The following NBAS variants were observed in gnomAD, a reference collection of about 807,000 sequenced individuals.
NBAS encodes the protein NBAS subunit of NRZ tethering complex, also known as NAG/BC035112 fusion.
NBAS carries 219 observed loss-of-function variants against 302.5 expected under a neutral mutation model. The observed-to-expected ratio is 0.72, with a 90% CI of 0.65 to 0.81. The LOEUF is 0.81. NBAS is among the 30% of genes least tolerant of loss of function. The pLI, the probability that NBAS is intolerant of heterozygous loss-of-function variation, is 0.00. For missense variants in NBAS, 2,932 were observed against 2,841.6 expected, an observed-to-expected ratio of 1.03 and a Z score of -0.72; for synonymous variants, 1,118 against 1,021.6, an observed-to-expected ratio of 1.09 and a Z score of -1.80.
At chr2:15,113,773 T>A in the NBAS span, among the ~76,000 whole-genome samples, 2 of 151,688 alleles carry the variant, frequency 1.3e-5, no homozygotes, top group Non-Finnish European at 2.9e-5. Context: ...TCTTTTTTTT[T>A]AAAACAAACT....
chr2:14,924,354 T>C, the NBAS span, among the ~76,000 whole-genome samples: 3 of 152,216 alleles, frequency 2.0e-5, no homozygotes, highest in Admixed American at 2.0e-4. Context: ...TGCTTCAGAA[T>C]AAATCGCTAG....
At chr2:15,410,506 A>G (rs546635590) in intron 25 of NBAS, among the ~76,000 whole-genome samples, 1 of 152,296 alleles carries the variant, frequency 6.6e-6, no homozygotes, top group East Asian at 1.9e-4. Context: ...AAAGAAGTGG[A>G]TTTCTTCTTA....
chr2:15,328,627 G>T (rs908068224), intron 36 of NBAS, among the ~76,000 whole-genome samples: 10 of 152,142 alleles, frequency 6.6e-5, no homozygotes, highest in African/African-American at 2.4e-4. Context: ...TGTTCATATG[G>T]TGAGTTTTTA....
At chr2:15,542,718 T>C (rs2148696170) in intron 6 of NBAS, among the ~76,000 whole-genome samples, 1 of 151,794 alleles carries the variant, frequency 6.6e-6, no homozygotes, top group African/African-American at 2.4e-5. Context: ...AATAAAAAAT[T>C]GACATATGCA....
intron 35 of NBAS, among the ~76,000 whole-genome samples, chr2:15,335,266 C>A (rs1222193980): frequency 6.6e-6 from 1 of 150,804 alleles, no homozygotes; most frequent in Non-Finnish European, 1.5e-5. Flanking sequence ...ATATTTTCTT[C>A]TATTAATGTG....
At chr2:15,283,767 C>T (rs1209430344) in intron 42 of NBAS, among the ~76,000 whole-genome samples, 1 of 152,112 alleles carries the variant, frequency 6.6e-6, no homozygotes, top group Non-Finnish European at 1.5e-5. Context: ...TCCCTGTAAC[C>T]CAGAAAACAG....
chr2:14,983,762 G>A, the NBAS span, among the ~76,000 whole-genome samples: 1 of 152,180 alleles, frequency 6.6e-6, no homozygotes. Context: ...TTGAGATAAA[G>A]GAAGACTTTG....
chr2:15,126,555 TCACCCGA>T, the NBAS span, among the ~76,000 whole-genome samples: 1 of 152,072 alleles, frequency 6.6e-6, no homozygotes, highest in Admixed American at 6.5e-5. Flanking sequence ...CAGAGGTACC[TCACCCGA>T]GGGGCAAGGG....
chr2:14,779,315 G>A, the NBAS span, among the ~76,000 whole-genome samples: 12 of 152,232 alleles, frequency 7.9e-5, no homozygotes, highest in South Asian at 1.2e-3. Flanking sequence ...TTGTTGCAGC[G>A]CTTGGCCCCT....
chr2:15,352,143 A>C, intron 34 of NBAS, 62 bp from the exon 35 acceptor site: 1 of 1,154,316 alleles, frequency 8.7e-7, no homozygotes, highest in Non-Finnish European at 1.3e-6. Flanking sequence ...TCTCATCACA[A>C]TATAGGCTTG....
At chr2:15,144,673 C>A in the NBAS span, among the ~76,000 whole-genome samples, 1 of 152,074 alleles carries the variant, frequency 6.6e-6, no homozygotes, top group Non-Finnish European at 1.5e-5. Context: ...GCATATCTAT[C>A]CTCTAAAAAA....
At chr2:15,105,749 G>A in the NBAS span, among the ~76,000 whole-genome samples, 1 of 152,108 alleles carries the variant, frequency 6.6e-6, no homozygotes, top group South Asian at 2.1e-4. Context: ...TCCCAAATAT[G>A]GCTGTGACAA....
the NBAS span, among the ~76,000 whole-genome samples, chr2:14,888,681 G>A: frequency 2.6e-5 from 4 of 152,132 alleles, no homozygotes; most frequent in Non-Finnish European, 4.4e-5. Flanking sequence ...GGTCCATGAA[G>A]TTCAAAGCTT....
rs567741243 is a variant in NBAS at position 15,330,849 on chromosome 2, T to C, written c.4180-84A>G. 363 of 1,400,392 alleles carry C rather than the reference T, an allele frequency of 2.6e-4. No homozygotes were observed. The African/African-American group carries it at 4.7e-3, about 18-fold the overall frequency. The allele number at this position is 1,400,392 out of a possible 1,614,324, so 86.7% of individuals were successfully genotyped here. Reference sequence around the variant, plus strand: ...ACAGTGATAATGTGACTGCTTAAAATGATCAGATATTAAACTTGAAGACAG... The same window carrying C: ...ACAGTGATAATGTGACTGCTTAAAACGATCAGATATTAAACTTGAAGACAG... On this transcript the variant is annotated intron_variant, in intron 35 of 51. Transcript: ENST00000281513.
At chr2:14,894,180 GA>G in the NBAS span, among the ~76,000 whole-genome samples, 1 of 152,072 alleles carries the variant, frequency 6.6e-6, no homozygotes, top group African/African-American at 2.4e-5. Flanking sequence ...TACCTTCTCA[GA>G]AAGCTACTAA....
chr2:14,983,139 A>C, the NBAS span, among the ~76,000 whole-genome samples: 2 of 152,236 alleles, frequency 1.3e-5, no homozygotes, highest in Non-Finnish European at 2.9e-5. Flanking sequence ...CCCATCTGTA[A>C]GACAGAGACA....
the NBAS span, among the ~76,000 whole-genome samples, chr2:14,952,254 A>G: frequency 6.6e-6 from 1 of 152,240 alleles, no homozygotes; most frequent in Admixed American, 6.5e-5. Context: ...AGGTGCTTAC[A>G]GAGTAGATAA....
chr2:15,546,192 C>T (rs963647405), intron 6 of NBAS, among the ~76,000 whole-genome samples: 2 of 151,908 alleles, frequency 1.3e-5, no homozygotes, highest in African/African-American at 4.8e-5. Context: ...TCTACAGTAA[C>T]AGGTACAGGA....
At chr2:14,999,472 G>A in the NBAS span, among the ~76,000 whole-genome samples, 1 of 152,046 alleles carries the variant, frequency 6.6e-6, no homozygotes, top group African/African-American at 2.4e-5. Flanking sequence ...TGCGTCATGG[G>A]GGCGGATTTC....
Sources: allele counts gnomAD v4.1 joint callset (sites outside exome capture counted in the v4.1 genomes callset), GRCh38; gene constraint gnomAD v4.1.1; transcripts MANE v1.5; gene names NCBI Gene and HGNC (gene_info 2026-07-23, HGNC 2026-07-21).